GRM1: variants seen among roughly 807,000 people sequenced by gnomAD.
GRM1 encodes the protein glutamate metabotropic receptor 1.
A neutral mutation model predicts 90.9 loss-of-function variants in GRM1; 33 were observed. The observed-to-expected ratio is 0.36, with a 90% confidence interval of 0.28 to 0.49. GRM1 has a LOEUF of 0.49. Ranked by LOEUF, GRM1 falls within the 20% of genes least tolerant of loss-of-function variation. GRM1 has a pLI of 0.99. For missense variants in GRM1, 1,190 were observed against 1,534.3 expected, an observed-to-expected ratio of 0.78 and a Z score of 3.75; for synonymous variants, 700 against 613.2, an observed-to-expected ratio of 1.14 and a Z score of -2.09.
chr6:146,228,701 A>G (rs1303942786), intron 2 of GRM1, among the ~76,000 whole-genome samples: 1 of 152,168 alleles, frequency 6.6e-6, no homozygotes, highest in African/African-American at 2.4e-5. Context: ...ACTCAATCAT[A>G]AGTTTATTGC....
intron 2 of GRM1, among the ~76,000 whole-genome samples, chr6:146,179,705 C>T (rs1025392427): frequency 2.2e-4 from 33 of 151,970 alleles, no homozygotes; most frequent in Admixed American, 1.8e-3. Flanking sequence ...TTTTAGTAGA[C>T]GGGGTTTCAC....
chr6:146,335,032 T>C (rs1004156967), intron 3 of GRM1, among the ~76,000 whole-genome samples: 5 of 152,364 alleles, frequency 3.3e-5, no homozygotes, highest in African/African-American at 1.2e-4. Context: ...GTTTTGCTTT[T>C]AAAGCAAATA....
intron 1 of GRM1, among the ~76,000 whole-genome samples, chr6:146,111,285 G>A (rs1019972159): frequency 6.6e-6 from 1 of 152,190 alleles, no homozygotes. Context: ...AATCCTGACT[G>A]TTACCTACCA....
At chr6:146,119,781 T>C (rs1015929882) in intron 1 of GRM1, among the ~76,000 whole-genome samples, 14 of 152,190 alleles carry the variant, frequency 9.2e-5, no homozygotes, top group Non-Finnish European at 1.9e-4. Context: ...GAGGGCTCTG[T>C]TCTGTTCCAT....
intron 5 of GRM1, among the ~76,000 whole-genome samples, chr6:146,386,214 T>C (rs1167349965): frequency 6.6e-6 from 1 of 152,030 alleles, no homozygotes; most frequent in Non-Finnish European, 1.5e-5. Flanking sequence ...TGTGAAAGTG[T>C]TTACCAAGCA....
At chr6:146,181,652 G>C (rs1778558383) in intron 2 of GRM1, among the ~76,000 whole-genome samples, 1 of 151,910 alleles carries the variant, frequency 6.6e-6, no homozygotes, top group Non-Finnish European at 1.5e-5. Flanking sequence ...AAATTCATAG[G>C]TTGATCCAAA....
chr6:146,376,331 T>C (rs538395212), intron 5 of GRM1, among the ~76,000 whole-genome samples: 1 of 152,186 alleles, frequency 6.6e-6, no homozygotes, highest in Non-Finnish European at 1.5e-5. Flanking sequence ...TATAGTGTTA[T>C]AATATTCTTT....
chr6:146,169,474 T>C (rs1177831729), intron 2 of GRM1, among the ~76,000 whole-genome samples: 4 of 152,172 alleles, frequency 2.6e-5, no homozygotes, highest in Non-Finnish European at 4.4e-5. Flanking sequence ...TGAGTCTTTC[T>C]CCCGCCTTAG....
rs1434015518 is a variant in GRM1, at chr6:146,399,292, G to C, written c.2253G>C (p.Leu751=). 1 of 1,613,982 alleles carries C rather than the reference G, an allele frequency of 6.2e-7. No homozygotes were observed. Among genetic ancestry groups the C allele is most frequent in the Non-Finnish European group, 8.5e-7 (1 of 1,180,014 alleles). Reference sequence around the variant, plus strand: ...ACCTTATCTGCAATACCAGCAACCTGGGTGTGGTGGCCCCTTTGGGCTACA... The same window carrying C: ...ACCTTATCTGCAATACCAGCAACCTCGGTGTGGTGGCCCCTTTGGGCTACA... ...EVYLICNTSN[L]GVVAPLGYNG... The change falls in exon 7 of 8, where the codon CTG becomes CTC. Residue 751 remains leucine (L), a synonymous_variant. Transcript: ENST00000282753. The surrounding 1 kb of genome is among the most constrained non-coding windows in gnomAD (Gnocchi z 5.4).
chr6:146,051,316 A>T (rs542690344), intron 1 of GRM1, among the ~76,000 whole-genome samples: 2 of 152,198 alleles, frequency 1.3e-5, no homozygotes, highest in Admixed American at 1.3e-4. Context: ...TGGTGGTCTG[A>T]TATTGTGTAT....
chr6:146,413,376 T>A (rs1419329818), intron 7 of GRM1, among the ~76,000 whole-genome samples: 2 of 152,156 alleles, frequency 1.3e-5, no homozygotes, highest in Non-Finnish European at 2.9e-5. Context: ...AGGTCAATAT[T>A]CTTAGAAATG....
chr6:146,182,850 G>A (rs1562514660), intron 2 of GRM1, among the ~76,000 whole-genome samples: 1 of 151,996 alleles, frequency 6.6e-6, no homozygotes, highest in Non-Finnish European at 1.5e-5. Flanking sequence ...GATAAACTGA[G>A]TATTAATATT....
rs113973404 is a variant in GRM1, at chr6:146,095,684, G to A, written c.701-63664G>A. On this transcript the variant is annotated intron_variant, in intron 1 of 7. Coordinates refer to ENST00000282753, the MANE Select transcript of GRM1 (RefSeq NM_001278064.2). ...TTGTATGCCTGATAGGACTTGCACAGTCTGGCCCAGGGTAGGTTTCAATAA... is the reference window on the plus strand; with the variant it reads ...TTGTATGCCTGATAGGACTTGCACAATCTGGCCCAGGGTAGGTTTCAATAA... Among the ~76,000 whole-genome samples, 1,267 of 152,190 alleles carry A rather than the reference G, an allele frequency of 8.3e-3. 10 individuals carry two copies. The highest frequency in any genetic ancestry group is 0.029 in the African/African-American group (1,199 of 41,516).
chr6:146,302,237 G>A (rs1424105310), intron 2 of GRM1, among the ~76,000 whole-genome samples: 1 of 150,930 alleles, frequency 6.6e-6, no homozygotes, highest in Non-Finnish European at 1.5e-5. Flanking sequence ...CCTTCTTAAA[G>A]AAGCCATCTC....
intron 3 of GRM1, among the ~76,000 whole-genome samples, chr6:146,334,154 G>T (rs1784682634): frequency 1.3e-5 from 2 of 152,134 alleles, no homozygotes; most frequent in East Asian, 1.9e-4. Context: ...CCACACTGCA[G>T]AACTCCAAGG....
At chr6:146,354,105 T>C (rs1241823569) in intron 4 of GRM1, among the ~76,000 whole-genome samples, 1 of 152,180 alleles carries the variant, frequency 6.6e-6, no homozygotes, top group Non-Finnish European at 1.5e-5. Context: ...ATAAACGATA[T>C]CAGTCATTGT....
At chr6:146,202,908 T>A (rs1485250815) in intron 2 of GRM1, among the ~76,000 whole-genome samples, 1 of 152,128 alleles carries the variant, frequency 6.6e-6, no homozygotes, top group Non-Finnish European at 1.5e-5. Context: ...AATAAATCCC[T>A]GAATTGGCCG....
chr6:146,252,121 A>G (rs1781308906), intron 2 of GRM1, among the ~76,000 whole-genome samples: 1 of 152,174 alleles, frequency 6.6e-6, no homozygotes, highest in African/African-American at 2.4e-5. Context: ...GCTGTCAAGA[A>G]TTAGATATTT....
chr6:146,417,982 G>A (rs376763186), intron 7 of GRM1, among the ~76,000 whole-genome samples: 104 of 152,078 alleles, frequency 6.8e-4, no homozygotes, highest in Middle Eastern at 3.4e-3. Flanking sequence ...ATTTTGAGCG[G>A]CTGCTTTCTC....
Sources: allele counts gnomAD v4.1 joint callset (sites outside exome capture counted in the v4.1 genomes callset), GRCh38; gene constraint gnomAD v4.1.1; non-coding constraint Gnocchi (gnomAD v3.1); transcripts MANE v1.5; gene names NCBI Gene and HGNC (gene_info 2026-07-23, HGNC 2026-07-21).